ELOC: variants seen among roughly 807,000 people sequenced by gnomAD.
The protein encoded by ELOC is elongin C.
For synonymous variants in ELOC, 40 were observed against 51.3 expected, an observed-to-expected ratio of 0.78 and a Z score of 0.94; for missense variants, 38 against 139.0, an observed-to-expected ratio of 0.27 and a Z score of 3.65.
chr8:73,957,995 C>T (rs56145111), intron 2 of ELOC, among the ~76,000 whole-genome samples: 25,794 of 151,784 alleles, frequency 0.17, 2,539 homozygotes, highest in Middle Eastern at 0.3. Context: ...CAGGATGTCT[C>T]GAACTCCTGA....
chr8:73,963,629 T>C (rs920719634), intron 1 of ELOC, among the ~76,000 whole-genome samples: 1 of 152,220 alleles, frequency 6.6e-6, no homozygotes, highest in Non-Finnish European at 1.5e-5. Context: ...GTTCTTCATA[T>C]CTTTTTGTCT....
rs1246637133 is a variant in ELOC at position 73,946,705 on chromosome 8, G to A, written c.264C>T (p.Thr88=). 5 of 1,613,168 alleles carry A rather than the reference G, an allele frequency of 3.1e-6. No homozygotes were observed. Among genetic ancestry groups the A allele is most frequent in the Non-Finnish European group, 3.4e-6 (4 of 1,179,748 alleles). The part of the protein sequence containing the change: ...TYKVRYTNSS[T]EIPEFPIAPE... ...GTGCAATTGGGAATTCAGGAATCTC[G>A]GTGGAGCTGTTAGTGTAGCGAACCT... The change falls in exon 4 of 4, where the codon ACC becomes ACT. Residue 88 remains threonine (T), a synonymous_variant. Coordinates refer to ENST00000520242, the MANE Select transcript of ELOC (RefSeq NM_005648.4).
chr8:73,948,797 T>G (rs900213027), intron 3 of ELOC, among the ~76,000 whole-genome samples: 1 of 152,086 alleles, frequency 6.6e-6, no homozygotes, highest in Non-Finnish European at 1.5e-5. Context: ...ATGGCGCCAC[T>G]GTACTCCAGC....
chr8:73,970,586 G>A (rs902014002), intron 1 of ELOC: 1 of 152,140 alleles, frequency 6.6e-6, no homozygotes, highest in Admixed American at 6.5e-5. Context: ...TACCACAGCT[G>A]TTTCCTTGCC....
chr8:73,955,898 G>A lies in ELOC; in HGVS notation c.148+13C>T, dbSNP rs182262336. On this transcript the variant is annotated intron_variant, in intron 3 of 3. Transcript: ENST00000520242. ...AAGTGAATATATGAAGAAAAAGACA[G>A]AACTGTGCTTACCTGGGCCACTCAA... is the stretch of plus-strand genomic sequence containing the variant. The A allele has an allele frequency of 5.0e-6, 8 of 1,598,434 alleles. No homozygotes were observed. The Admixed American group carries it at 1.2e-4, about 24-fold the overall frequency.
rs1346827077 is a variant in ELOC at position 73,970,852 on chromosome 8, T to TA, written c.-51+1224dup. On this transcript the variant is annotated intron_variant, in intron 1 of 3. Transcript: ENST00000520242. ...CAACATGGTGAAACCCCATCTCTACTAAAAAACAAAACAAAACAAAAAAAA... is the reference window on the plus strand; with the variant it reads ...CAACATGGTGAAACCCCATCTCTACTAAAAAAACAAAACAAAACAAAAAAAA... Among the ~76,000 whole-genome samples the TA allele has an allele frequency of 3.8e-3, 469 of 123,152 alleles. 3 individuals carry two copies. The highest frequency in any genetic ancestry group is 0.012 in the East Asian group (55 of 4,636). The allele number at this position is 123,152 out of a possible 152,430, so 80.8% of individuals were successfully genotyped here. A position where few individuals can be genotyped will look rare whatever the true frequency, so the allele number is the denominator to read the frequency against.
At chr8:73,950,371 T>C (rs1274116992) in intron 3 of ELOC, among the ~76,000 whole-genome samples, 1 of 152,228 alleles carries the variant, frequency 6.6e-6, no homozygotes, top group Non-Finnish European at 1.5e-5. Flanking sequence ...CACTCTTTAC[T>C]ATTAGATGAT....
chr8:73,957,209 G>C (rs541549943), intron 2 of ELOC, among the ~76,000 whole-genome samples: 4 of 151,658 alleles, frequency 2.6e-5, no homozygotes, highest in African/African-American at 2.4e-5. Context: ...AACAATACTC[G>C]GTTTAAATGC....
chr8:73,946,596 A>G lies in ELOC; in HGVS notation c.*34T>C, dbSNP rs756653127. Reference sequence around the variant, plus strand: ...ACTGAACTACAGGTATTAAATACTGAAAAGAGTTAACAGTTTATTATAATT... The same window carrying G: ...ACTGAACTACAGGTATTAAATACTGGAAAGAGTTAACAGTTTATTATAATT... On this transcript the variant is annotated 3_prime_UTR_variant, in exon 4 of 4. Transcript: ENST00000520242. The G allele has an allele frequency of 1.3e-6, 2 of 1,482,892 alleles. No individual in the cohort carries two copies. Among genetic ancestry groups the G allele is most frequent in the Non-Finnish European group, 1.8e-6 (2 of 1,106,116 alleles). The allele number at this position is 1,482,892 out of a possible 1,614,324, so 91.9% of individuals were successfully genotyped here.
At chr8:73,954,170 T>G (rs2131099362) in intron 3 of ELOC, among the ~76,000 whole-genome samples, 2 of 152,184 alleles carry the variant, frequency 1.3e-5, no homozygotes, top group Middle Eastern at 3.4e-3. Flanking sequence ...AGTCAGACAC[T>G]GAGGGTAGAG....
At chr8:73,967,342 T>C (rs367774852) in intron 1 of ELOC, among the ~76,000 whole-genome samples, 1 of 152,266 alleles carries the variant, frequency 6.6e-6, no homozygotes, top group East Asian at 1.9e-4. Flanking sequence ...CTGTTACAAC[T>C]ACTCCAACTC....
intron 1 of ELOC, among the ~76,000 whole-genome samples, chr8:73,968,695 C>T (rs1815158248): frequency 6.6e-6 from 1 of 152,186 alleles, no homozygotes. Context: ...AACCTTTCCA[C>T]TTAAGCAATG....
chr8:73,955,905 G>T lies in ELOC; in HGVS notation c.148+6C>A. The T allele has an allele frequency of 6.2e-7, 1 of 1,607,432 alleles. No individual in the cohort carries two copies. Among genetic ancestry groups the T allele is most frequent in the East Asian group, 2.2e-5 (1 of 44,714 alleles). On this transcript the variant is annotated splice_donor_region_variant and intron_variant, in intron 3 of 3. Coordinates refer to ENST00000520242, the MANE Select transcript of ELOC (RefSeq NM_005648.4). ...TATATGAAGAAAAAGACAGAACTGTGCTTACCTGGGCCACTCAACATGGCT... is the reference window on the plus strand; with the variant it reads ...TATATGAAGAAAAAGACAGAACTGTTCTTACCTGGGCCACTCAACATGGCT...
At chr8:73,962,528 TTTC>T (rs1454049648) in intron 1 of ELOC, among the ~76,000 whole-genome samples, 13 of 152,252 alleles carry the variant, frequency 8.5e-5, no homozygotes, top group South Asian at 2.1e-4. Flanking sequence ...CCATTATTAT[TTTC>T]TTTTCATTAT....
chr8:73,967,498 G>A (rs1362122550), intron 1 of ELOC, among the ~76,000 whole-genome samples: 1 of 139,726 alleles, frequency 7.2e-6, no homozygotes, highest in Non-Finnish European at 1.5e-5. Flanking sequence ...ACAGAGTTTC[G>A]CTCTTGTTAC....
At chr8:73,971,241 A>C (rs1399886455) in intron 1 of ELOC, among the ~76,000 whole-genome samples, 1 of 152,094 alleles carries the variant, frequency 6.6e-6, no homozygotes, top group Non-Finnish European at 1.5e-5. Context: ...CCCCGTCTCT[A>C]CTAATAATAG....
At chr8:73,956,488 A>C (rs1174898834) in intron 2 of ELOC, among the ~76,000 whole-genome samples, 1 of 152,236 alleles carries the variant, frequency 6.6e-6, no homozygotes, top group African/African-American at 2.4e-5. Context: ...AATAGTCACC[A>C]AGACATTAAC....
intron 1 of ELOC, among the ~76,000 whole-genome samples, chr8:73,960,028 C>G (rs1038198622): frequency 4.6e-5 from 7 of 152,060 alleles, no homozygotes; most frequent in Admixed American, 3.9e-4. Context: ...GTTGGCACTT[C>G]TGAATCAGAG....
intron 3 of ELOC, among the ~76,000 whole-genome samples, chr8:73,955,255 G>T (rs1033305866): frequency 3.3e-5 from 5 of 152,238 alleles, no homozygotes; most frequent in African/African-American, 1.2e-4. Context: ...GATCACCTGA[G>T]GTCAGGAGTT....
Sources: allele counts gnomAD v4.1 joint callset (sites outside exome capture counted in the v4.1 genomes callset), GRCh38; gene constraint gnomAD v4.1.1; transcripts MANE v1.5; gene names NCBI Gene and HGNC (gene_info 2026-07-23, HGNC 2026-07-21).